The following ENTREP2 variants were observed in gnomAD, a reference collection of about 807,000 sequenced individuals.
ENTREP2 encodes protein ENTREP2.
the ENTREP2 span, among the ~76,000 whole-genome samples, chr15:29,637,436 TCAG>T: frequency 6.6e-6 from 1 of 152,152 alleles, no homozygotes; most frequent in Non-Finnish European, 1.5e-5. Context: ...CAGAAACACA[TCAG>T]GTCACCCACT....
chr15:29,195,593 C>T, the ENTREP2 span, among the ~76,000 whole-genome samples: 10 of 152,278 alleles, frequency 6.6e-5, no homozygotes, highest in African/African-American at 1.7e-4. Context: ...GGCACAATCT[C>T]GGCTCACTGC....
chr15:29,566,844 A>ATACACAC, the ENTREP2 span, among the ~76,000 whole-genome samples: 1 of 62,658 alleles, frequency 1.6e-5, no homozygotes, highest in African/African-American at 1.3e-4. Flanking sequence ...TTAAAGGAAA[A>ATACACAC]ATACACACAC....
chr15:29,267,073 G>GT, the ENTREP2 span: 1 of 152,198 alleles, frequency 6.6e-6, no homozygotes, highest in African/African-American at 2.4e-5. Context: ...AGAAATGCCT[G>GT]TAAGGGCCAA....
chr15:29,430,998 T>C, the ENTREP2 span, among the ~76,000 whole-genome samples: 1 of 152,314 alleles, frequency 6.6e-6, no homozygotes, highest in South Asian at 2.1e-4. Flanking sequence ...AGCTGGTTTC[T>C]GCTGCTTGCC....
the ENTREP2 span, among the ~76,000 whole-genome samples, chr15:29,422,801 G>A: frequency 2.0e-5 from 3 of 152,172 alleles, no homozygotes; most frequent in Admixed American, 2.0e-4. Flanking sequence ...TGCTGAGACA[G>A]CCCCTGAGCA....
At chr15:29,558,401 C>T in the ENTREP2 span, among the ~76,000 whole-genome samples, 1 of 151,854 alleles carries the variant, frequency 6.6e-6, no homozygotes, top group Non-Finnish European at 1.5e-5. Flanking sequence ...TTAATCTCTG[C>T]AGACCATGGC....
the ENTREP2 span, among the ~76,000 whole-genome samples, chr15:29,629,885 A>C: frequency 6.6e-6 from 1 of 152,112 alleles, no homozygotes; most frequent in Non-Finnish European, 1.5e-5. Flanking sequence ...AGGAGGCCAA[A>C]GCAGGTGGAT....
the ENTREP2 span, among the ~76,000 whole-genome samples, chr15:29,388,129 T>C: frequency 3.6e-4 from 55 of 152,198 alleles, no homozygotes; most frequent in African/African-American, 1.3e-3. Context: ...GGGATCTAAT[T>C]AAACTAAAGA....
chr15:29,543,916 C>G, the ENTREP2 span, among the ~76,000 whole-genome samples: 1 of 151,826 alleles, frequency 6.6e-6, no homozygotes, highest in African/African-American at 2.4e-5. Context: ...TTTCTTTGTT[C>G]TTTACATTTC....
At chr15:29,268,773 T>C in the ENTREP2 span, 1 of 1,579,716 alleles carries the variant, frequency 6.3e-7, no homozygotes, top group Non-Finnish European at 8.6e-7. Context: ...GTCCCGGGGG[T>C]CCCTCTGAAT....
chr15:29,128,423 G>A, the ENTREP2 span, among the ~76,000 whole-genome samples: 1 of 152,128 alleles, frequency 6.6e-6, no homozygotes, highest in Admixed American at 6.5e-5. Flanking sequence ...GGTGCCGTGT[G>A]GACATTTGCC....
At chr15:29,670,860 C>T in the ENTREP2 span, among the ~76,000 whole-genome samples, 14 of 152,222 alleles carry the variant, frequency 9.2e-5, no homozygotes, top group Middle Eastern at 3.4e-3. Flanking sequence ...GCACAGAGGG[C>T]CTAAGACCTT....
the ENTREP2 span, among the ~76,000 whole-genome samples, chr15:29,363,866 G>A: frequency 2.0e-5 from 3 of 152,094 alleles, no homozygotes; most frequent in Non-Finnish European, 2.9e-5. Flanking sequence ...CCACCACTCC[G>A]GGGACAGCAT....
chr15:29,199,098 G>C, the ENTREP2 span, among the ~76,000 whole-genome samples: 2 of 152,136 alleles, frequency 1.3e-5, no homozygotes, highest in African/African-American at 2.4e-5. Context: ...TATTTCTTTT[G>C]GGTACAAAAT....
chr15:29,281,751 A>T, the ENTREP2 span, among the ~76,000 whole-genome samples: 1 of 152,186 alleles, frequency 6.6e-6, no homozygotes, highest in African/African-American at 2.4e-5. Context: ...GCCAAAAGCC[A>T]CCCCAAAGCT....
At chr15:29,597,296 C>T in the ENTREP2 span, among the ~76,000 whole-genome samples, 3 of 152,172 alleles carry the variant, frequency 2.0e-5, no homozygotes, top group East Asian at 1.9e-4. Context: ...GAGTCAGGCG[C>T]GGTGGCTCAT....
chr15:29,203,680 T>C, the ENTREP2 span, among the ~76,000 whole-genome samples: 14 of 152,210 alleles, frequency 9.2e-5, no homozygotes, highest in Non-Finnish European at 1.3e-4. Context: ...TTTTGTGAAA[T>C]AGATCACTAA....
chr15:29,127,136 T>C, the ENTREP2 span, among the ~76,000 whole-genome samples: 3 of 152,108 alleles, frequency 2.0e-5, no homozygotes, highest in Non-Finnish European at 2.9e-5. Flanking sequence ...CCCTCCAAAC[T>C]GTAAGAACTG....
At chr15:29,242,257 T>C in the ENTREP2 span, among the ~76,000 whole-genome samples, 1 of 152,036 alleles carries the variant, frequency 6.6e-6, no homozygotes, top group East Asian at 1.9e-4. Flanking sequence ...TTGGTAGAGA[T>C]GGGATTTCAC....
Sources: allele counts gnomAD v4.1 joint callset (sites outside exome capture counted in the v4.1 genomes callset), GRCh38; gene constraint gnomAD v4.1.1; transcripts MANE v1.5; gene names NCBI Gene and HGNC (gene_info 2026-07-23, HGNC 2026-07-21).